LPIN1: variants seen among roughly 807,000 people sequenced by gnomAD.
The protein encoded by LPIN1 is lipin 1, also known as phosphatidate phosphatase LPIN1.
In LPIN1, 71 loss-of-function variants were observed where a neutral mutation model predicts 107.5. The ratio of observed to expected loss-of-function variants is 0.66; its 90% CI spans 0.55 to 0.80. The LOEUF (loss-of-function observed/expected upper bound fraction) is 0.80, where lower values mean the gene tolerates loss of function less well. Ranked by LOEUF, LPIN1 falls within the 30% of genes least tolerant of loss-of-function variation. The probability of loss-of-function intolerance (pLI) is 0.00; values close to 1 mark genes in which losing one functional copy is unlikely to be tolerated. For missense variants in LPIN1, 1,043 were observed against 1,160.6 expected, an observed-to-expected ratio of 0.90 and a Z score of 1.47; for synonymous variants, 445 against 452.6, an observed-to-expected ratio of 0.98 and a Z score of 0.21.
chr2:11,801,064 A>AT (rs1677641387), intron 14 of LPIN1, among the ~76,000 whole-genome samples: 1 of 152,082 alleles, frequency 6.6e-6, no homozygotes, highest in African/African-American at 2.4e-5. Context: ...ATAGCATCTC[A>AT]CCCCAGTTAG....
In LPIN1 at chr2:11,792,000, C is replaced by A; in HGVS notation, c.1800C>A (p.Ile600=). 6.2e-7 allele frequency: 1 copy of A among 1,613,548 alleles called. No individual in the cohort carries two copies. Among genetic ancestry groups the A allele is most frequent in the South Asian group, 1.1e-5 (1 of 91,002 alleles). Residue 600 remains isoleucine, a synonymous_variant, in exon 13 of 21, where the codon ATC becomes ATA. Coordinates refer to ENST00000674199, the MANE Select transcript of LPIN1 (RefSeq NM_001349206.2). ...WFSWRGRNTT[I]KEESKPEQCL... ...CATGGAGGGGAAGAAACACCACAATCAAGGAGGTAAGCCCAGAAGACAAAG... is the reference window on the plus strand; with the variant it reads ...CATGGAGGGGAAGAAACACCACAATAAAGGAGGTAAGCCCAGAAGACAAAG...
chr2:11,679,212 C>G (rs1661581987), intron 1 of LPIN1, among the ~76,000 whole-genome samples: 1 of 152,174 alleles, frequency 6.6e-6, no homozygotes, highest in Non-Finnish European at 1.5e-5. Flanking sequence ...GCTGAGAAAA[C>G]TGAGGCTATG....
intron 17 of LPIN1, among the ~76,000 whole-genome samples, chr2:11,813,678 G>A (rs1409632834): frequency 6.6e-6 from 1 of 152,174 alleles, no homozygotes; most frequent in African/African-American, 2.4e-5. Flanking sequence ...ATTTTGGGAG[G>A]CCGAGACGGG....
intron 1 of LPIN1, among the ~76,000 whole-genome samples, chr2:11,685,311 C>T (rs913019263): frequency 5.3e-5 from 8 of 152,064 alleles, no homozygotes; most frequent in African/African-American, 7.2e-5. Context: ...TGGAGGCTGG[C>T]GGAGCACAGG....
chr2:11,696,275 A>T (rs572295136), intron 1 of LPIN1, among the ~76,000 whole-genome samples: 2 of 150,650 alleles, frequency 1.3e-5, no homozygotes, highest in Non-Finnish European at 2.9e-5. Context: ...GAGTGAGAAC[A>T]TGTGGTGTTT....
chr2:11,754,999 G>A lies in LPIN1; in HGVS notation c.-10+8328G>A, dbSNP rs530024392. 1.5e-4 allele frequency among the ~76,000 whole-genome samples: 22 copies of A among 148,514 alleles called. No individual in the cohort carries two copies. In the South Asian group the frequency reaches 4.5e-3, roughly 30 times the overall value. On this transcript the variant is annotated intron_variant, in intron 1 of 20. Coordinates refer to ENST00000674199, the MANE Select transcript of LPIN1 (RefSeq NM_001349206.2). ...TAATTTTTTTTTTTTTTTTTGAGACGGAGTCACCCAGGCTGGAGTGCAGTG... is the reference window on the plus strand; with the variant it reads ...TAATTTTTTTTTTTTTTTTTGAGACAGAGTCACCCAGGCTGGAGTGCAGTG...
At chr2:11,807,532 C>G (rs1322944152) in intron 17 of LPIN1, among the ~76,000 whole-genome samples, 1 of 129,594 alleles carries the variant, frequency 7.7e-6, no homozygotes, top group East Asian at 2.2e-4. Flanking sequence ...TTTTTTTGGT[C>G]TTGATTTGTC....
intron 2 of LPIN1, among the ~76,000 whole-genome samples, chr2:11,718,915 T>TAG: frequency 6.6e-6 from 1 of 152,222 alleles, no homozygotes; most frequent in East Asian, 1.9e-4. Context: ...CAAAGGGTGG[T>TAG]GGCTAAGGAC....
At chr2:11,713,841 G>T in intron 2 of LPIN1, 4 of 1,433,634 alleles carry the variant, frequency 2.8e-6, no homozygotes, top group Non-Finnish European at 3.8e-6. Flanking sequence ...GAATGTCGTT[G>T]TTATGCTTTT....
At chr2:11,816,205 C>T (rs532658024) in intron 18 of LPIN1, 3 of 152,272 alleles carry the variant, frequency 2.0e-5, no homozygotes, top group African/African-American at 7.2e-5. Flanking sequence ...TTTGTGTAAG[C>T]AGTAGCTTTT....
chr2:11,807,955 C>G (rs1418891317), intron 17 of LPIN1, among the ~76,000 whole-genome samples: 1 of 152,198 alleles, frequency 6.6e-6, no homozygotes, highest in Non-Finnish European at 1.5e-5. Context: ...TCAGCCCTTC[C>G]TGCTCTAATC....
At position 11,802,977 on chromosome 2, in the gene LPIN1, C is replaced by G; in HGVS notation, c.1957C>G (p.Pro653Ala). Residue 653 changes from proline to alanine, a missense_variant, in exon 15 of 21, where the codon CCT becomes GCT. Pro to Ala is a conservative substitution (Grantham distance 27). Transcript: ENST00000674199. ...CAAGCCATCAAACGCAGGCCACCTC[C>G]CTCTTCTGCCTAATGTCAGCTACAA... ...AAKPSNAGHL[P>A]LLPNVSYKKT... 1.2e-6 allele frequency: 2 copies of G among 1,613,302 alleles called. No homozygotes were observed. Among genetic ancestry groups the G allele is most frequent in the Non-Finnish European group, 1.7e-6 (2 of 1,180,024 alleles).
intron 3 of LPIN1, 84 bp downstream of exon 3, chr2:11,767,942 CAA>C: frequency 1.1e-6 from 1 of 882,686 alleles, no homozygotes; most frequent in Non-Finnish European, 1.9e-6. Flanking sequence ...GAAGTTTGTG[CAA>C]AGTAATACCG....
intron 1 of LPIN1, among the ~76,000 whole-genome samples, chr2:11,702,759 C>A (rs1258488334): frequency 6.6e-6 from 1 of 152,182 alleles, no homozygotes; most frequent in Non-Finnish European, 1.5e-5. Flanking sequence ...TCTGTCTCTG[C>A]TTCTCTGTCT....
chr2:11,758,280 AC>A (rs1009192762), intron 1 of LPIN1, among the ~76,000 whole-genome samples: 9 of 151,036 alleles, frequency 6.0e-5, no homozygotes, highest in Non-Finnish European at 1.2e-4. Context: ...TTTGATATAT[AC>A]CCGGGACTGG....
chr2:11,753,692 C>G lies in LPIN1; in HGVS notation c.-10+7021C>G, dbSNP rs139784508. Reference sequence around the variant, plus strand: ...CAGGTAATTCATCACCCTTATCAACCGCCGTTAAGTATCAGTCCACAATGC... The same window carrying G: ...CAGGTAATTCATCACCCTTATCAACGGCCGTTAAGTATCAGTCCACAATGC... On this transcript the variant is annotated intron_variant, in intron 1 of 20. Transcript: ENST00000674199. Among the ~76,000 whole-genome samples, 983 of 152,322 alleles carry G rather than the reference C, an allele frequency of 6.5e-3. 8 individuals carry two copies. Among genetic ancestry groups the G allele is most frequent in the African/African-American group, 0.021 (856 of 41,558 alleles).
intron 1 of LPIN1, among the ~76,000 whole-genome samples, chr2:11,695,161 C>T (rs7581192): frequency 0.13 from 19,885 of 152,206 alleles, 3,846 homozygotes; most frequent in African/African-American, 0.43. Flanking sequence ...TATAATATAT[C>T]GAACAAAACA....
chr2:11,749,589 C>T (rs762700399), intron 1 of LPIN1, among the ~76,000 whole-genome samples: 2 of 152,208 alleles, frequency 1.3e-5, no homozygotes, highest in Non-Finnish European at 2.9e-5. Context: ...GTAGAAAGCT[C>T]TGGGTCTGGG....
intron 1 of LPIN1, among the ~76,000 whole-genome samples, chr2:11,729,809 A>T (rs1193365556): frequency 6.6e-6 from 1 of 152,158 alleles, no homozygotes; most frequent in Non-Finnish European, 1.5e-5. Flanking sequence ...AATTTCAAAT[A>T]TAAAATTTTG....
Sources: allele counts gnomAD v4.1 joint callset (sites outside exome capture counted in the v4.1 genomes callset), GRCh38; gene constraint gnomAD v4.1.1; transcripts MANE v1.5; gene names NCBI Gene and HGNC (gene_info 2026-07-23, HGNC 2026-07-21).